The following DSCAML1 variants were observed in gnomAD, a reference collection of about 807,000 sequenced individuals.
The protein encoded by DSCAML1 is DS cell adhesion molecule like 1.
Under a neutral mutation model 200.5 loss-of-function variants are expected in DSCAML1, and 38 were observed. The ratio of observed to expected loss-of-function variants is 0.19; its 90% CI spans 0.15 to 0.25. DSCAML1 has a LOEUF of 0.25. Ranked by LOEUF, DSCAML1 falls within the 10% of genes least tolerant of loss-of-function variation. The pLI is 1.00. For missense variants in DSCAML1, 2,223 were observed against 2,858.8 expected, an observed-to-expected ratio of 0.78 and a Z score of 5.07; for synonymous variants, 1,215 against 1,165.0, an observed-to-expected ratio of 1.04 and a Z score of -0.87.
intron 3 of DSCAML1, among the ~76,000 whole-genome samples, chr11:117,724,263 G>C (rs186995293): frequency 6.6e-6 from 1 of 152,336 alleles, no homozygotes; most frequent in African/African-American, 2.4e-5. Flanking sequence ...GGCCATAGGA[G>C]AAGTCACTGG....
rs370152308 is a variant in DSCAML1, at chr11:117,810,723, C to G, written c.-250+6667G>C. 9.8e-5 allele frequency among the ~76,000 whole-genome samples: 15 copies of G among 152,318 alleles called. No homozygotes were observed. The East Asian group carries it at 2.5e-3, about 25-fold the overall frequency. ...GTAGTTCCAAATAGCCGGAAAACAG[C>G]TCTTTCAATTTTTCCATCCTACAAG... On this transcript the variant is annotated intron_variant, in intron 1 of 2. Coordinates refer to the DSCAML1 transcript ENST00000525836.
Position 117,534,713 on chromosome 11 carries a change from G to A in DSCAML1, c.512-2191C>T, listed in dbSNP as rs537352227. Among the ~76,000 whole-genome samples, 15 of 152,186 alleles carry A rather than the reference G, an allele frequency of 9.9e-5. No individual in the cohort carries two copies. The South Asian group carries it at 2.5e-3, about 25-fold the overall frequency. ...CAGCCTTGACATCCTGGGCTCAAGC[G>A]ATCCTCGCACCCCAGCCTCCCCAGT... On this transcript the variant is annotated intron_variant, in intron 3 of 32. Transcript: ENST00000651296.
chr11:117,472,782 C>T (rs74519794), intron 14 of DSCAML1, among the ~76,000 whole-genome samples: 2,528 of 152,216 alleles, frequency 0.017, 74 homozygotes, highest in African/African-American at 0.057. Flanking sequence ...CTGAACATAT[C>T]GTGATGGTGA....
chr11:117,530,665 C>G (rs927093857), intron 4 of DSCAML1, among the ~76,000 whole-genome samples: 1 of 152,128 alleles, frequency 6.6e-6, no homozygotes, highest in African/African-American at 2.4e-5. Flanking sequence ...GATCTCCTGG[C>G]CTTGCCCCAC....
chr11:117,467,084 G>A (rs1046048140), intron 16 of DSCAML1, among the ~76,000 whole-genome samples: 26 of 150,780 alleles, frequency 1.7e-4, no homozygotes, highest in African/African-American at 5.6e-4. Context: ...TCAGCCAGGC[G>A]AATGGAGAAA....
At chr11:117,718,680 C>CT (rs1485784835) in intron 3 of DSCAML1, among the ~76,000 whole-genome samples, 1 of 98,040 alleles carries the variant, frequency 1.0e-5, no homozygotes, top group East Asian at 3.3e-4. Context: ...CCCCCCCCCC[C>CT]CCCATCATAT....
rs556403189 is a variant in DSCAML1, at chr11:117,519,031, T to C, written c.1214-269A>G. ...TTGCTTAACCTCTCTGAGTCTTTTGTCTCATGGACGGAGGATGGGGATAAT... is the reference window on the plus strand; with the variant it reads ...TTGCTTAACCTCTCTGAGTCTTTTGCCTCATGGACGGAGGATGGGGATAAT... On this transcript the variant is annotated intron_variant, in intron 6 of 32. Coordinates refer to ENST00000651296, the MANE Select transcript of DSCAML1 (RefSeq NM_020693.4). 3.3e-5 allele frequency among the ~76,000 whole-genome samples: 5 copies of C among 152,320 alleles called. No individual in the cohort carries two copies. In the East Asian group the frequency reaches 7.7e-4, roughly 23 times the overall value.
intron 3 of DSCAML1, among the ~76,000 whole-genome samples, chr11:117,736,517 T>C (rs554854683): frequency 1.6e-4 from 24 of 152,098 alleles, no homozygotes; most frequent in African/African-American, 5.8e-4. Context: ...CTACAAGAGG[T>C]GTGGACCCAA....
intron 3 of DSCAML1, among the ~76,000 whole-genome samples, chr11:117,690,549 C>T (rs894529616): frequency 1.3e-5 from 2 of 152,200 alleles, no homozygotes; most frequent in Admixed American, 6.5e-5. Context: ...TAGGGATCAC[C>T]AAGCTATCTG....
At chr11:117,695,984 G>C (rs1221635772) in intron 3 of DSCAML1, among the ~76,000 whole-genome samples, 2 of 152,214 alleles carry the variant, frequency 1.3e-5, no homozygotes, top group Non-Finnish European at 2.9e-5. Flanking sequence ...TGGAGGTTTA[G>C]TGAAAAGGGC....
rs1184277125 is a variant in DSCAML1 at position 117,518,054 on chromosome 11, AC to A, written c.1510+411del. 6.6e-6 allele frequency among the ~76,000 whole-genome samples: 1 copy of A among 152,140 alleles called. No homozygotes were observed. Among genetic ancestry groups the A allele is most frequent in the Non-Finnish European group, 1.5e-5 (1 of 68,024 alleles). ...GCTTGGGTGGGCAACCATGTTAAAGACCAAGCCTGGTCCCCAGCCCCTGCAC... is the reference window on the plus strand; with the variant it reads ...GCTTGGGTGGGCAACCATGTTAAAGACAAGCCTGGTCCCCAGCCCCTGCAC... On this transcript the variant is annotated intron_variant, in intron 7 of 32. Transcript: ENST00000651296. The surrounding 1 kb of genome is among the most constrained non-coding windows in gnomAD (Gnocchi z 6.3).
chr11:117,505,359 A>G lies in DSCAML1; in HGVS notation c.2062+95T>C, dbSNP rs2049473758. The G allele has an allele frequency of 1.3e-6, 2 of 1,506,960 alleles. No individual in the cohort carries two copies. Among genetic ancestry groups the G allele is most frequent in the Non-Finnish European group, 1.8e-6 (2 of 1,121,520 alleles). 93.3% of individuals were successfully genotyped at this position (1,506,960 alleles called of 1,614,324 possible). ...TTCAAGATGCTGGAGCCCACCTTCCATGAGCCCGTGATTGGAACTGGAAAT... is the reference window on the plus strand; with the variant it reads ...TTCAAGATGCTGGAGCCCACCTTCCGTGAGCCCGTGATTGGAACTGGAAAT... On this transcript the variant is annotated intron_variant, in intron 9 of 32. Coordinates refer to ENST00000651296, the MANE Select transcript of DSCAML1 (RefSeq NM_020693.4). This position sits in a 1 kb window ranked among gnomAD's most constrained non-coding sequence, Gnocchi z 6.7.
intron 14 of DSCAML1, among the ~76,000 whole-genome samples, chr11:117,478,447 C>G (rs1458889639): frequency 1.3e-5 from 2 of 152,134 alleles, no homozygotes; most frequent in Non-Finnish European, 2.9e-5. Flanking sequence ...CCCTTTTGTC[C>G]CCTTTGCCTC....
At chr11:117,601,152 C>T (rs1050423049) in intron 3 of DSCAML1, among the ~76,000 whole-genome samples, 1 of 151,992 alleles carries the variant, frequency 6.6e-6, no homozygotes, top group Non-Finnish European at 1.5e-5. Flanking sequence ...CCAACTACTG[C>T]TCCTCTGTCC....
At chr11:117,781,989 T>A (rs1434491389) in intron 1 of DSCAML1, among the ~76,000 whole-genome samples, 1 of 152,158 alleles carries the variant, frequency 6.6e-6, no homozygotes, top group Non-Finnish European at 1.5e-5. Flanking sequence ...AGAAATCCAT[T>A]GCCTAGCAAG....
intron 3 of DSCAML1, among the ~76,000 whole-genome samples, chr11:117,720,551 C>T (rs187144733): frequency 1.3e-5 from 2 of 152,190 alleles, no homozygotes; most frequent in Non-Finnish European, 2.9e-5. Context: ...AAAACTGAAC[C>T]ACATCCCTTG....
At chr11:117,474,345 C>T (rs1346742870) in intron 14 of DSCAML1, among the ~76,000 whole-genome samples, 2 of 152,170 alleles carry the variant, frequency 1.3e-5, no homozygotes, top group Non-Finnish European at 2.9e-5. Flanking sequence ...CTTGGGCCAG[C>T]TTCTCTCTGT....
At chr11:117,608,866 A>AACATTAT in intron 3 of DSCAML1, among the ~76,000 whole-genome samples, 2 of 11,780 alleles carry the variant, frequency 1.7e-4, no homozygotes, top group African/African-American at 7.3e-4. Context: ...GCTGACATTG[A>AACATTAT]GCATTATATC....
intron 3 of DSCAML1, among the ~76,000 whole-genome samples, chr11:117,594,129 AAG>A (rs983309850): frequency 7.9e-5 from 12 of 152,298 alleles, no homozygotes; most frequent in African/African-American, 2.9e-4. Flanking sequence ...AGAAAAAGGA[AAG>A]AGGGGCACTC....
Sources: gnomAD v4.1 joint callset for allele counts (sites outside exome capture counted in the v4.1 genomes callset) on GRCh38, gnomAD v4.1.1 for gene constraint, Gnocchi (gnomAD v3.1) non-coding constraint, MANE v1.5 for transcripts, NCBI Gene and HGNC (gene_info 2026-07-23, HGNC 2026-07-21) for gene names.